HDAC9: variants seen among roughly 807,000 people sequenced by gnomAD.
HDAC9 encodes histone deacetylase 9.
In HDAC9, 41 loss-of-function variants were observed where a neutral mutation model predicts 139.4. That is an observed-to-expected ratio of 0.29 (90% CI 0.23 to 0.38). The LOEUF is 0.38. Ranked by LOEUF, HDAC9 falls within the 10% of genes least tolerant of loss-of-function variation. The pLI is 1.00. For synonymous variants in HDAC9, 517 were observed against 476.2 expected (o/e 1.09, Z -1.12); for missense variants, 1,147 against 1,297.0 (o/e 0.88, Z 1.78).
intron 2 of HDAC9, among the ~76,000 whole-genome samples, chr7:18,573,133 T>G (rs138314865): frequency 1.4e-4 from 22 of 152,300 alleles, no homozygotes; most frequent in African/African-American, 5.3e-4. Context: ...CCAGGTTGCT[T>G]TTTGCATTTT....
intron 20 of HDAC9, 143 bp downstream of exon 20, chr7:18,835,729 G>A: frequency 8.3e-7 from 1 of 1,210,604 alleles, no homozygotes; most frequent in South Asian, 1.3e-5. Flanking sequence ...CCAAGAACCA[G>A]TGCAGAACAA....
At chr7:18,296,164 AT>A (rs1453236645) in intron 1 of HDAC9, among the ~76,000 whole-genome samples, 1 of 152,130 alleles carries the variant, frequency 6.6e-6, no homozygotes, top group African/African-American at 2.4e-5. Flanking sequence ...CCTCTGCAGA[AT>A]TTTCAATAGA....
intron 1 of HDAC9, among the ~76,000 whole-genome samples, chr7:18,357,662 A>G (rs142506870): frequency 6.6e-6 from 1 of 152,304 alleles, no homozygotes; most frequent in African/African-American, 2.4e-5. Context: ...AGAGTTAGGA[A>G]AGAATTTCTG....
intron 1 of HDAC9, among the ~76,000 whole-genome samples, chr7:18,101,026 G>A (rs1289713191): frequency 6.6e-6 from 1 of 152,122 alleles, no homozygotes; most frequent in Non-Finnish European, 1.5e-5. Context: ...ACTTGTGTGA[G>A]TGCTGGGTAC....
At chr7:18,791,591 G>T (rs1171135859) in intron 16 of HDAC9, among the ~76,000 whole-genome samples, 1 of 152,126 alleles carries the variant, frequency 6.6e-6, no homozygotes, top group Admixed American at 6.6e-5. Context: ...CTCTTTAGCT[G>T]ACAGTGCAGA....
chr7:18,219,334 G>A (rs977963827), intron 2 of HDAC9, among the ~76,000 whole-genome samples: 1 of 152,046 alleles, frequency 6.6e-6, no homozygotes, highest in Admixed American at 6.6e-5. Flanking sequence ...CAATGGGAGT[G>A]GTTCTGTAAT....
chr7:18,257,557 T>C (rs1795359573), intron 2 of HDAC9, among the ~76,000 whole-genome samples: 2 of 152,180 alleles, frequency 1.3e-5, no homozygotes, highest in African/African-American at 2.4e-5. Flanking sequence ...TTGAGTTTTC[T>C]GTTAGCCACA....
At chr7:18,709,968 A>T (rs895518173) in intron 12 of HDAC9, among the ~76,000 whole-genome samples, 1 of 152,204 alleles carries the variant, frequency 6.6e-6, no homozygotes, top group Non-Finnish European at 1.5e-5. Flanking sequence ...TGATAAAAAG[A>T]CATACCCGAG....
chr7:18,758,395 C>T lies in HDAC9; in HGVS notation c.2044-3762C>T, dbSNP rs181326218. The stretch of plus-strand genomic sequence containing the variant: ...TTAGCCTATTTTTTGACTCTTTATG[C>T]TATTGACCTTTAACTCAAGAGAGCC... On this transcript the variant is annotated intron_variant, in intron 14 of 25. Coordinates refer to ENST00000686413, the MANE Select transcript of HDAC9 (RefSeq NM_178425.4). Among the ~76,000 whole-genome samples, 4 of 152,190 alleles carry T rather than the reference C, an allele frequency of 2.6e-5. No homozygotes were observed. The East Asian group carries it at 5.8e-4, about 22-fold the overall frequency.
intron 1 of HDAC9, among the ~76,000 whole-genome samples, chr7:18,437,848 A>C (rs567319232): frequency 3.0e-4 from 46 of 151,314 alleles, no homozygotes; most frequent in South Asian, 2.7e-3. Flanking sequence ...ATAGAATTAA[A>C]AATTATTAAC....
At chr7:18,132,548 G>T (rs528006812) in intron 1 of HDAC9, among the ~76,000 whole-genome samples, 1 of 151,974 alleles carries the variant, frequency 6.6e-6, no homozygotes, top group Non-Finnish European at 1.5e-5. Flanking sequence ...AGCTGAAACC[G>T]CAGGCACATA....
At chr7:18,270,493 C>T (rs192777788) in intron 2 of HDAC9, among the ~76,000 whole-genome samples, 2 of 152,184 alleles carry the variant, frequency 1.3e-5, no homozygotes, top group East Asian at 3.9e-4. Flanking sequence ...TGGTACTTTC[C>T]TTTGTGGGAT....
chr7:18,249,331 T>C (rs973204489), intron 2 of HDAC9, among the ~76,000 whole-genome samples: 18 of 151,506 alleles, frequency 1.2e-4, no homozygotes, highest in African/African-American at 3.4e-4. Context: ...GGTGAAACCC[T>C]GTCTCTACTC....
intron 2 of HDAC9, among the ~76,000 whole-genome samples, chr7:18,249,173 T>C: frequency 6.6e-6 from 1 of 152,084 alleles, no homozygotes; most frequent in African/African-American, 2.4e-5. Context: ...ACAAGAAAAA[T>C]TTAGTGAATT....
chr7:18,212,511 A>C (rs1792015882), intron 2 of HDAC9, among the ~76,000 whole-genome samples: 2 of 152,208 alleles, frequency 1.3e-5, no homozygotes. Context: ...TGTATCATTC[A>C]CTGACTGTTT....
intron 2 of HDAC9, among the ~76,000 whole-genome samples, chr7:18,180,751 C>G (rs1789357251): frequency 6.6e-6 from 1 of 152,164 alleles, no homozygotes; most frequent in Non-Finnish European, 1.5e-5. Flanking sequence ...TTACCACAAA[C>G]TTGGTGGCCT....
intron 2 of HDAC9, chr7:18,543,686 C>G (rs1161423279): frequency 2.0e-5 from 3 of 152,022 alleles, no homozygotes; most frequent in South Asian, 2.1e-4. Flanking sequence ...TAAAATTTTC[C>G]TGCTCTCGTG....
At chr7:18,401,744 G>T (rs1467026577) in intron 1 of HDAC9, among the ~76,000 whole-genome samples, 1 of 152,064 alleles carries the variant, frequency 6.6e-6, no homozygotes, top group Non-Finnish European at 1.5e-5. Flanking sequence ...TCCATATTCT[G>T]CTACGTACAG....
chr7:18,672,227 C>T (rs1376591123), intron 12 of HDAC9, among the ~76,000 whole-genome samples: 1 of 151,944 alleles, frequency 6.6e-6, no homozygotes, highest in African/African-American at 2.4e-5. Context: ...TTTCCCCTGC[C>T]TTATTGATGG....
Sources: gnomAD v4.1 joint callset for allele counts (sites outside exome capture counted in the v4.1 genomes callset) on GRCh38, gnomAD v4.1.1 for gene constraint, MANE v1.5 for transcripts, NCBI Gene and HGNC (gene_info 2026-07-23, HGNC 2026-07-21) for gene names.